TENM2: variants seen among roughly 807,000 people sequenced by gnomAD.
TENM2 encodes teneurin transmembrane protein 2.
A neutral mutation model predicts 245.2 loss-of-function variants in TENM2; 52 were observed. The observed-to-expected ratio is 0.21, with a 90% confidence interval of 0.17 to 0.27. TENM2 has a LOEUF of 0.27. Among genes scored for constraint, TENM2 ranks in the 10% least tolerant of loss-of-function variants. The probability of loss-of-function intolerance (pLI) is 1.00; values close to 1 mark genes in which losing one functional copy is unlikely to be tolerated. For missense variants in TENM2, 3,046 were observed against 3,666.8 expected, an observed-to-expected ratio of 0.83 and a Z score of 4.37; for synonymous variants, 1,363 against 1,438.9, an observed-to-expected ratio of 0.95 and a Z score of 1.19.
In TENM2 at chr5:168,239,265, C is replaced by T. The variant is rs113536434; in HGVS notation, c.5521-5155C>T. Among the ~76,000 whole-genome samples, 189 of 152,244 alleles carry T rather than the reference C, an allele frequency of 1.2e-3. 1 individual carries two copies. The highest frequency in any genetic ancestry group is 4.4e-3 in the African/African-American group (182 of 41,550). ...CAACTGGCCTGAACTCCTTGGCTCA[C>T]CTTCCAGTGAATTTTTCAGATTTAA... On this transcript the variant is annotated intron_variant, in intron 25 of 28. Transcript: ENST00000518659.
intron 12 of TENM2, among the ~76,000 whole-genome samples, chr5:168,133,091 G>T (rs1754733583): frequency 1.3e-5 from 2 of 152,168 alleles, no homozygotes; most frequent in Non-Finnish European, 2.9e-5. Flanking sequence ...TCTCCATGTG[G>T]CAAATGAAAG....
chr5:167,446,536 G>A (rs79383675), intron 2 of TENM2, among the ~76,000 whole-genome samples: 10 of 152,218 alleles, frequency 6.6e-5, no homozygotes, highest in East Asian at 1.9e-4. Flanking sequence ...GAACTGATCC[G>A]TTGCTGTGTA....
chr5:167,715,953 G>A (rs1035991844), intron 2 of TENM2, among the ~76,000 whole-genome samples: 42 of 152,208 alleles, frequency 2.8e-4, no homozygotes, highest in African/African-American at 9.6e-4. Context: ...AAGAGGAAAA[G>A]TAGAAGTCCA....
At chr5:166,991,097 G>C in the TENM2 span, among the ~76,000 whole-genome samples, 1 of 151,840 alleles carries the variant, frequency 6.6e-6, no homozygotes, top group Non-Finnish European at 1.5e-5. Context: ...GCTTGGAATT[G>C]AATTTTGAAT....
intron 2 of TENM2, among the ~76,000 whole-genome samples, chr5:167,548,506 C>T (rs1291572200): frequency 6.6e-6 from 1 of 151,964 alleles, no homozygotes; most frequent in Non-Finnish European, 1.5e-5. Context: ...AATGAAATCA[C>T]CTGGGGACAG....
the TENM2 span, among the ~76,000 whole-genome samples, chr5:167,019,200 G>C: frequency 6.6e-6 from 1 of 151,942 alleles, no homozygotes; most frequent in Admixed American, 6.5e-5. Context: ...CAGTTGGGGG[G>C]AGGCTTCAAA....
rs1554126502 is a variant in TENM2, at chr5:167,827,633, G to GGT, written c.503-48352_503-48351insTG. Among the ~76,000 whole-genome samples, 5 of 120,030 alleles carry GGT rather than the reference G, an allele frequency of 4.2e-5. 1 individual carries two copies. The highest frequency in any genetic ancestry group is 6.1e-5 in the African/African-American group (2 of 32,642). The allele number at this position is 120,030 out of a possible 152,430, so 78.7% of individuals were successfully genotyped here. A position where few individuals can be genotyped will look rare whatever the true frequency, so the allele number is the denominator to read the frequency against. ...ATGGCAAGGAGCTAGGTGGGCGGGG[G>GGT]GGGGGGAACAGTTTAATGAGCGTGA... is the stretch of plus-strand genomic sequence containing the variant. On this transcript the variant is annotated intron_variant, in intron 2 of 28. Coordinates refer to ENST00000518659, the Ensembl canonical transcript of TENM2.
At chr5:167,393,262 C>T (rs1184544945) in intron 2 of TENM2, among the ~76,000 whole-genome samples, 1 of 151,738 alleles carries the variant, frequency 6.6e-6, no homozygotes, top group African/African-American at 2.4e-5. Flanking sequence ...AAAAACTATG[C>T]TATGTAGTGA....
the TENM2 span, among the ~76,000 whole-genome samples, chr5:167,228,638 A>T: frequency 1.3e-5 from 2 of 150,950 alleles, no homozygotes; most frequent in South Asian, 2.1e-4. Context: ...TATTTCCTTA[A>T]TTTTTTTCAT....
the TENM2 span, among the ~76,000 whole-genome samples, chr5:167,134,956 T>A: frequency 1.3e-5 from 2 of 152,218 alleles, 1 homozygote; most frequent in Non-Finnish European, 2.9e-5. Context: ...TTGTTAACGA[T>A]GGTATATTAA....
In TENM2 at chr5:167,983,381, C is replaced by T. The variant is rs146469610; in HGVS notation, c.948-9563C>T. 1.8e-4 allele frequency among the ~76,000 whole-genome samples: 27 copies of T among 152,214 alleles called. No individual in the cohort carries two copies. The East Asian group carries it at 4.6e-3, about 26-fold the overall frequency. On this transcript the variant is annotated intron_variant, in intron 4 of 28. Transcript: ENST00000518659. ...GTGACACTATTTAAATATCAAGAGT[C>T]GAAGCTTCTATTTAGAAAACGGAAG...
intron 4 of TENM2, among the ~76,000 whole-genome samples, chr5:167,964,431 G>A (rs532102048): frequency 1.3e-5 from 2 of 152,130 alleles, no homozygotes; most frequent in Non-Finnish European, 2.9e-5. Context: ...AGATCCTCAA[G>A]CTGCAAAACG....
chr5:167,495,244 G>GT (rs58976192), intron 2 of TENM2, among the ~76,000 whole-genome samples: 10,732 of 143,084 alleles, frequency 0.075, 1,054 homozygotes, highest in East Asian at 0.42. Context: ...TTTGTTTTTT[G>GT]TTTTTTTTTT....
At chr5:167,364,245 T>C (rs1759904156) in intron 1 of TENM2, among the ~76,000 whole-genome samples, 1 of 152,112 alleles carries the variant, frequency 6.6e-6, no homozygotes, top group Non-Finnish European at 1.5e-5. Context: ...AAGATTAGAA[T>C]GCTAAATAGA....
intron 2 of TENM2, among the ~76,000 whole-genome samples, chr5:167,475,173 A>G (rs533420859): frequency 6.6e-6 from 1 of 152,340 alleles, no homozygotes; most frequent in African/African-American, 2.4e-5. Flanking sequence ...TGCACATAAC[A>G]TAACTTATAC....
At chr5:167,988,977 A>G (rs1265028804) in intron 4 of TENM2, among the ~76,000 whole-genome samples, 2 of 152,182 alleles carry the variant, frequency 1.3e-5, no homozygotes, top group Non-Finnish European at 2.9e-5. Flanking sequence ...TAAACTTCTT[A>G]TCTTTACCGT....
the TENM2 span, among the ~76,000 whole-genome samples, chr5:167,015,810 T>C: frequency 2.6e-3 from 397 of 152,298 alleles, 1 homozygote; most frequent in African/African-American, 8.8e-3. Context: ...CCTGATTTTC[T>C]GGACTGTGAT....
At chr5:168,132,810 C>T (rs774890722) in intron 12 of TENM2, among the ~76,000 whole-genome samples, 1 of 152,178 alleles carries the variant, frequency 6.6e-6, no homozygotes, top group Non-Finnish European at 1.5e-5. Context: ...AGAGAATCCA[C>T]GTGCCTTCCA....
Position 168,210,153 on chromosome 5 carries a change from G to T in TENM2, c.3825-1581G>T, listed in dbSNP as rs748542860. On this transcript the variant is annotated intron_variant, in intron 19 of 28. Coordinates refer to ENST00000518659, the Ensembl canonical transcript of TENM2. ...ACTGACTCGGTGATGCTGTTATTCT[G>T]GTTTGTTGCCTGCTAAGCACCCAGC... Among the ~76,000 whole-genome samples the T allele has an allele frequency of 2.4e-4, 37 of 152,080 alleles. 1 individual carries two copies. The highest frequency in any genetic ancestry group is 2.6e-4 in the Admixed American group (4 of 15,268).
Sources: allele counts gnomAD v4.1 joint callset (sites outside exome capture counted in the v4.1 genomes callset), GRCh38; gene constraint gnomAD v4.1.1; transcripts MANE v1.5; gene names NCBI Gene and HGNC (gene_info 2026-07-23, HGNC 2026-07-21).